Variants in CPPED1 observed in about 807,000 individuals in gnomAD.
CPPED1 encodes the protein serine/threonine-protein phosphatase CPPED1.
In CPPED1, 28 loss-of-function variants were observed where a neutral mutation model predicts 28.0. That is an observed-to-expected ratio of 1.00 (90% CI 0.74 to 1.37). The LOEUF is 1.37. Ranked by LOEUF, CPPED1 falls within the 40% of genes most tolerant of loss-of-function variation. CPPED1 has a pLI of 0.00. For missense variants in CPPED1, 504 were observed against 416.5 expected, an observed-to-expected ratio of 1.21 and a Z score of -1.83; for synonymous variants, 198 against 180.2, an observed-to-expected ratio of 1.10 and a Z score of -0.79.
chr16:12,734,567 G>A (rs2080217424), intron 2 of CPPED1, among the ~76,000 whole-genome samples: 1 of 152,118 alleles, frequency 6.6e-6, no homozygotes, highest in Admixed American at 6.5e-5. Flanking sequence ...TTTTAGTAGA[G>A]ACGGGGTTTC....
At chr16:12,720,684 C>T (rs1416271625) in intron 2 of CPPED1, among the ~76,000 whole-genome samples, 5 of 152,112 alleles carry the variant, frequency 3.3e-5, no homozygotes, top group Non-Finnish European at 5.9e-5. Context: ...GACAGGGTTT[C>T]ACCATGTTGG....
intron 3 of CPPED1, among the ~76,000 whole-genome samples, chr16:12,669,912 C>T (rs2079845325): frequency 6.6e-6 from 1 of 152,152 alleles, no homozygotes; most frequent in African/African-American, 2.4e-5. Flanking sequence ...CAAATGGACT[C>T]AGGAATCAAG....
intron 1 of CPPED1, among the ~76,000 whole-genome samples, chr16:12,786,193 G>A (rs1029731754): frequency 6.6e-5 from 10 of 152,138 alleles, no homozygotes; most frequent in Non-Finnish European, 1.3e-4. Context: ...CATCAGCGTC[G>A]CCTGGGAGCA....
chr16:12,788,049 G>A (rs1033604245), intron 1 of CPPED1, among the ~76,000 whole-genome samples: 3 of 152,338 alleles, frequency 2.0e-5, no homozygotes, highest in Admixed American at 2.0e-4. Context: ...CCTGGAGGAT[G>A]CCTTCAGTTC....
chr16:12,704,686 T>A lies in CPPED1; in HGVS notation c.653A>T (p.Asp218Val). ...LFLESIDEDD[D>V]YYFNLSKSTR... Reference sequence around the variant, plus strand: ...GGACTTGCTGAGGTTGAAGTAGTAGTCGTCGTCCTCGTCGATGCTCTCCAG... The same window carrying A: ...GGACTTGCTGAGGTTGAAGTAGTAGACGTCGTCCTCGTCGATGCTCTCCAG... The change falls in exon 3 of 4, where the codon GAC (aspartate) becomes GTC (valine). Residue 218 changes from aspartate (D) to valine (V), a missense_variant. By Grantham distance (152) the Asp-to-Val change is radical. Transcript: ENST00000381774. 1.2e-6 allele frequency: 2 copies of A among 1,614,228 alleles called. No individual in the cohort carries two copies. The highest frequency in any genetic ancestry group is 1.7e-6 in the Non-Finnish European group (2 of 1,180,026).
chr16:12,719,427 C>T (rs1230059467), intron 2 of CPPED1, among the ~76,000 whole-genome samples: 2 of 151,630 alleles, frequency 1.3e-5, no homozygotes, highest in African/African-American at 2.4e-5. Flanking sequence ...GAGGAAACCG[C>T]CCCCATGATT....
At chr16:12,722,035 A>G (rs2080143803) in intron 2 of CPPED1, among the ~76,000 whole-genome samples, 1 of 152,214 alleles carries the variant, frequency 6.6e-6, no homozygotes, top group Non-Finnish European at 1.5e-5. Flanking sequence ...CAAACAGACA[A>G]GAAAAGATGC....
At chr16:12,797,465 G>A (rs2080634394) in intron 1 of CPPED1, among the ~76,000 whole-genome samples, 1 of 151,202 alleles carries the variant, frequency 6.6e-6, no homozygotes, top group Non-Finnish European at 1.5e-5. Flanking sequence ...GGAGGATCGA[G>A]CATGGCTTGA....
intron 2 of CPPED1, among the ~76,000 whole-genome samples, chr16:12,741,617 G>A (rs1055465501): frequency 6.6e-5 from 10 of 152,142 alleles, no homozygotes; most frequent in Non-Finnish European, 1.2e-4. Context: ...GCCCCTTTAT[G>A]GACAAATGAG....
intron 2 of CPPED1, among the ~76,000 whole-genome samples, chr16:12,741,392 A>G (rs926279173): frequency 6.6e-6 from 1 of 150,936 alleles, no homozygotes; most frequent in Non-Finnish European, 1.5e-5. Context: ...GAGAGATGTC[A>G]GAGTCATTAG....
chr16:12,739,545 C>T (rs1304896489), intron 2 of CPPED1, among the ~76,000 whole-genome samples: 1 of 152,106 alleles, frequency 6.6e-6, no homozygotes, highest in Non-Finnish European at 1.5e-5. Context: ...CACACCATTG[C>T]CCTCCAGTCT....
rs1426755935 is a variant in CPPED1, at chr16:12,682,924, A to G, written c.716-17809T>C. On this transcript the variant is annotated intron_variant, in intron 3 of 3. Coordinates refer to ENST00000381774, the MANE Select transcript of CPPED1 (RefSeq NM_018340.3). This position sits in a 1 kb window ranked among gnomAD's most constrained non-coding sequence, Gnocchi z 6.1. ...TAGATTTCCATGCTCTATCTTAAAC[A>G]CAGCTGTCAGGACAAGAGGCTCATT... 6.6e-6 allele frequency among the ~76,000 whole-genome samples: 1 copy of G among 152,260 alleles called. No homozygotes were observed. The highest frequency in any genetic ancestry group is 1.5e-5 in the Non-Finnish European group (1 of 68,044).
rs757989361 is a variant in CPPED1, at chr16:12,670,115, A to G, written c.716-5000T>C. 3.9e-5 allele frequency among the ~76,000 whole-genome samples: 6 copies of G among 152,284 alleles called. 1 individual carries two copies. The highest frequency in any genetic ancestry group is 6.8e-3 in the Middle Eastern group (2 of 294). On this transcript the variant is annotated intron_variant, in intron 3 of 3. Transcript: ENST00000381774. The surrounding 1 kb of genome is among the most constrained non-coding windows in gnomAD (Gnocchi z 4.2). ...GGAGTTCGACCAGCCTGGGCAACAC[A>G]GTGAGATCCCGTCTCTACAAAACAT...
chr16:12,800,464 A>T (rs148611426), intron 1 of CPPED1, among the ~76,000 whole-genome samples: 3 of 150,980 alleles, frequency 2.0e-5, no homozygotes, highest in African/African-American at 7.3e-5. Flanking sequence ...ACCATGGGGG[A>T]CTACAGAAAT....
At chr16:12,735,660 A>T (rs925538239) in intron 2 of CPPED1, among the ~76,000 whole-genome samples, 14 of 152,218 alleles carry the variant, frequency 9.2e-5, no homozygotes, top group African/African-American at 3.1e-4. Context: ...CACCTGCTTC[A>T]TAGGATTGTT....
chr16:12,668,077 A>T (rs2079834910), intron 3 of CPPED1, among the ~76,000 whole-genome samples: 1 of 152,240 alleles, frequency 6.6e-6, no homozygotes, highest in Admixed American at 6.5e-5. Context: ...AAATGCTGAC[A>T]GCAAATAACT....
intron 2 of CPPED1, among the ~76,000 whole-genome samples, chr16:12,762,434 G>A (rs941222922): frequency 1.3e-5 from 2 of 152,112 alleles, no homozygotes; most frequent in Non-Finnish European, 2.9e-5. Flanking sequence ...TCAACAATCT[G>A]CTTCTAAGAA....
intron 3 of CPPED1, 60 bp downstream of exon 3, chr16:12,704,564 T>C (rs2080037587): frequency 6.6e-7 from 1 of 1,506,168 alleles, no homozygotes; most frequent in African/African-American, 1.4e-5. Flanking sequence ...GAGAAAGATC[T>C]GGAAATGCCC....
At chr16:12,669,052 A>G (rs547308356) in intron 3 of CPPED1, among the ~76,000 whole-genome samples, 73 of 152,378 alleles carry the variant, frequency 4.8e-4, no homozygotes, top group South Asian at 3.5e-3. Context: ...GCATTTTTCA[A>G]AAGAGCCTAA....
Sources: gnomAD v4.1 joint callset for allele counts (sites outside exome capture counted in the v4.1 genomes callset) on GRCh38, gnomAD v4.1.1 for gene constraint, Gnocchi (gnomAD v3.1) non-coding constraint, MANE v1.5 for transcripts, NCBI Gene and HGNC (gene_info 2026-07-23, HGNC 2026-07-21) for gene names.